Variants in PTPRD observed in about 807,000 individuals in gnomAD.
The protein encoded by PTPRD is receptor-type tyrosine-protein phosphatase delta.
A neutral mutation model predicts 214.5 loss-of-function variants in PTPRD; 34 were observed. That is an observed-to-expected ratio of 0.16 (90% CI 0.12 to 0.21). The LOEUF is 0.21. Among genes scored for constraint, PTPRD ranks in the 10% least tolerant of loss-of-function variants. The probability of loss-of-function intolerance (pLI) is 1.00; values close to 1 mark genes in which losing one functional copy is unlikely to be tolerated. For synonymous variants in PTPRD, 1,128 were observed against 845.7 expected (o/e 1.33, Z -5.79); for missense variants, 2,545 against 2,398.7 (o/e 1.06, Z -1.27).
At chr9:10,247,948 G>A (rs1390739091) in intron 3 of PTPRD, among the ~76,000 whole-genome samples, 2 of 151,980 alleles carry the variant, frequency 1.3e-5, no homozygotes, top group Non-Finnish European at 2.9e-5. Context: ...TGAATTATGG[G>A]GGCAGGTTTT....
chr9:8,485,645 G>C, intron 28 of PTPRD, 117 bp downstream of exon 28: 1 of 935,490 alleles, frequency 1.1e-6, no homozygotes, highest in Non-Finnish European at 1.6e-6. Context: ...TTACCTTTTT[G>C]TTTTTGCTGA....
At chr9:9,578,132 C>T (rs977501163) in intron 7 of PTPRD, among the ~76,000 whole-genome samples, 2 of 149,770 alleles carry the variant, frequency 1.3e-5, no homozygotes, top group Admixed American at 1.3e-4. Flanking sequence ...ATTCAGAAAG[C>T]ACTGATGTTA....
At chr9:10,205,650 G>A (rs1445503112) in intron 3 of PTPRD, among the ~76,000 whole-genome samples, 2 of 151,860 alleles carry the variant, frequency 1.3e-5, no homozygotes, top group African/African-American at 2.4e-5. Context: ...CAAATGATCC[G>A]CCTGCCTTGG....
At chr9:9,028,064 C>G (rs898616770) in intron 10 of PTPRD, among the ~76,000 whole-genome samples, 2 of 151,910 alleles carry the variant, frequency 1.3e-5, no homozygotes, top group Admixed American at 6.6e-5. Context: ...ATTTACCATT[C>G]CCTGACAAAG....
intron 7 of PTPRD, among the ~76,000 whole-genome samples, chr9:9,722,155 A>G (rs1219640033): frequency 1.3e-5 from 2 of 152,068 alleles, no homozygotes; most frequent in African/African-American, 2.4e-5. Flanking sequence ...GTTAACTCAC[A>G]AAGTTGTGTA....
At chr9:9,760,918 A>T (rs1242467271) in intron 6 of PTPRD, among the ~76,000 whole-genome samples, 1 of 152,230 alleles carries the variant, frequency 6.6e-6, no homozygotes, top group East Asian at 1.9e-4. Flanking sequence ...TGGCAGGGAT[A>T]CAGAGAAATG....
chr9:9,058,255 G>A (rs1373492627), intron 10 of PTPRD, among the ~76,000 whole-genome samples: 1 of 151,984 alleles, frequency 6.6e-6, no homozygotes, highest in African/African-American at 2.4e-5. Context: ...AGAGAAGTAA[G>A]TTGGAATAAA....
chr9:8,505,344 C>T (rs1013680057), intron 22 of PTPRD, among the ~76,000 whole-genome samples: 8 of 152,008 alleles, frequency 5.3e-5, no homozygotes, highest in African/African-American at 1.7e-4. Flanking sequence ...AATTCAAGGC[C>T]GGGCACGGTG....
At chr9:8,800,293 G>A (rs1482031662) in intron 11 of PTPRD, among the ~76,000 whole-genome samples, 1 of 152,070 alleles carries the variant, frequency 6.6e-6, no homozygotes, top group Non-Finnish European at 1.5e-5. Flanking sequence ...CATTCTGTCA[G>A]AGGCATGTGA....
intron 4 of PTPRD, among the ~76,000 whole-genome samples, chr9:9,960,210 G>T (rs893149648): frequency 2.9e-5 from 4 of 137,476 alleles, no homozygotes; most frequent in Non-Finnish European, 6.1e-5. Flanking sequence ...GAAAAAAGGA[G>T]TATGAAAATT....
At chr9:9,340,461 C>A (rs1347988881) in intron 9 of PTPRD, among the ~76,000 whole-genome samples, 2 of 152,154 alleles carry the variant, frequency 1.3e-5, no homozygotes, top group African/African-American at 2.4e-5. Context: ...AAAATTAGTT[C>A]AAATGTAGGA....
At chr9:10,364,794 A>G (rs2097482131) in intron 2 of PTPRD, among the ~76,000 whole-genome samples, 1 of 152,158 alleles carries the variant, frequency 6.6e-6, no homozygotes, top group South Asian at 2.1e-4. Flanking sequence ...ATAATAAGCT[A>G]ATCTATTATC....
chr9:10,309,116 C>G (rs2096186557), intron 3 of PTPRD, among the ~76,000 whole-genome samples: 1 of 152,002 alleles, frequency 6.6e-6, no homozygotes, highest in African/African-American at 2.4e-5. Flanking sequence ...CTAAGCAACT[C>G]AGCATCCTTT....
intron 36 of PTPRD, among the ~76,000 whole-genome samples, chr9:8,399,521 C>G (rs904443955): frequency 6.6e-6 from 1 of 152,046 alleles, no homozygotes; most frequent in African/African-American, 2.4e-5. Flanking sequence ...TCTCTTTATT[C>G]AGTATATTTC....
At chr9:9,106,270 A>G (rs759113104) in intron 10 of PTPRD, among the ~76,000 whole-genome samples, 1 of 152,140 alleles carries the variant, frequency 6.6e-6, no homozygotes, top group Non-Finnish European at 1.5e-5. Context: ...GGAAGTACAC[A>G]GGATTTGGAA....
At chr9:8,596,028 T>C (rs1427004785) in intron 14 of PTPRD, among the ~76,000 whole-genome samples, 1 of 152,178 alleles carries the variant, frequency 6.6e-6, no homozygotes, top group African/African-American at 2.4e-5. Flanking sequence ...AAAGCTTCAA[T>C]ATGTCTTAAA....
chr9:9,560,348 T>C (rs2082591328), intron 8 of PTPRD, among the ~76,000 whole-genome samples: 1 of 152,174 alleles, frequency 6.6e-6, no homozygotes, highest in South Asian at 2.1e-4. Context: ...GGTGGTAGAT[T>C]CTAGAAATGT....
chr9:9,057,996 ATATT>A (rs1252616038), intron 10 of PTPRD, among the ~76,000 whole-genome samples: 1 of 152,236 alleles, frequency 6.6e-6, no homozygotes, highest in Non-Finnish European at 1.5e-5. Context: ...GGATTTCCTG[ATATT>A]TATAACGATT....
At chr9:8,665,393 T>C (rs1242094715) in intron 12 of PTPRD, among the ~76,000 whole-genome samples, 1 of 152,210 alleles carries the variant, frequency 6.6e-6, no homozygotes, top group African/African-American at 2.4e-5. Flanking sequence ...AGCTTGCTTT[T>C]AATGTAATTA....
Sources: allele counts gnomAD v4.1 joint callset (sites outside exome capture counted in the v4.1 genomes callset), GRCh38; gene constraint gnomAD v4.1.1; transcripts MANE v1.5; gene names NCBI Gene and HGNC (gene_info 2026-07-23, HGNC 2026-07-21).